TSPAN7: variants seen among roughly 807,000 people sequenced by gnomAD.
TSPAN7 encodes the protein tetraspanin 7.
In TSPAN7, 1 loss-of-function variant was observed where a neutral mutation model predicts 17.6. That is an observed-to-expected ratio of 0.06 (90% CI 0.02 to 0.27). The LOEUF (loss-of-function observed/expected upper bound fraction) is 0.27. Ranked by LOEUF, TSPAN7 falls within the 10% of genes least tolerant of loss-of-function variation. The pLI, the probability that TSPAN7 is intolerant of heterozygous loss-of-function variation, is 1.00. For missense variants in TSPAN7, 112 were observed against 201.7 expected (o/e 0.56, Z 2.69); for synonymous variants, 78 against 79.0 (o/e 0.99, Z 0.07).
intron 2 of TSPAN7, among the ~76,000 whole-genome samples, chrX:38,668,824 C>A (rs1021235768): frequency 8.9e-6 from 1 of 111,830 alleles, no homozygotes; most frequent in Non-Finnish European, 1.9e-5. Context: ...GGTAGTTCTA[C>A]TTTTAATTTT....
chrX:38,637,348 C>T (rs766869627), intron 1 of TSPAN7, among the ~76,000 whole-genome samples: 1 of 112,178 alleles, frequency 8.9e-6, no homozygotes, highest in South Asian at 3.7e-4. Flanking sequence ...CTCTAAAACT[C>T]CCTCCCCAGT....
intron 6 of TSPAN7, among the ~76,000 whole-genome samples, chrX:38,684,698 G>A (rs1390104191): frequency 9.0e-6 from 1 of 111,178 alleles, no homozygotes; most frequent in Non-Finnish European, 1.9e-5. Flanking sequence ...ATAGACCCAG[G>A]GCTTTGCTAG....
intron 2 of TSPAN7, 85 bp downstream of exon 2, chrX:38,666,394 G>C: frequency 1.0e-6 from 1 of 979,950 alleles, no homozygotes; most frequent in Non-Finnish European, 1.4e-6. Context: ...GGTTCGTCTT[G>C]AGGTCACAGA....
chrX:38,605,337 G>T (rs1449761362), intron 1 of TSPAN7, among the ~76,000 whole-genome samples: 1 of 109,857 alleles, frequency 9.1e-6, no homozygotes, highest in Non-Finnish European at 1.9e-5. Flanking sequence ...AAAATACCTA[G>T]GAATCCAACT....
intron 2 of TSPAN7, among the ~76,000 whole-genome samples, chrX:38,668,175 T>C (rs762850053): frequency 8.9e-6 from 1 of 112,240 alleles, no homozygotes; most frequent in Non-Finnish European, 1.9e-5. Flanking sequence ...TCCTTGGACC[T>C]TTGTCTCCAA....
chrX:38,567,842 C>T (rs763093428), intron 1 of TSPAN7, among the ~76,000 whole-genome samples: 11 of 111,496 alleles, frequency 9.9e-5, no homozygotes, highest in Middle Eastern at 4.6e-3. Flanking sequence ...TGTAGTAGAC[C>T]CTAATATATC....
At chrX:38,649,392 G>T (rs2042814629) in intron 1 of TSPAN7, among the ~76,000 whole-genome samples, 1 of 112,490 alleles carries the variant, frequency 8.9e-6, no homozygotes, top group Non-Finnish European at 1.9e-5. Flanking sequence ...ACTTTGAATG[G>T]TCCATAGAGT....
chrX:38,595,590 A>T (rs754753895), intron 1 of TSPAN7, among the ~76,000 whole-genome samples: 1 of 112,041 alleles, frequency 8.9e-6, no homozygotes, highest in South Asian at 3.7e-4. Flanking sequence ...TTTCTCCTTA[A>T]TTGCAACTGG....
intron 1 of TSPAN7, among the ~76,000 whole-genome samples, chrX:38,639,315 T>C (rs929351949): frequency 4.6e-5 from 5 of 109,209 alleles, no homozygotes; most frequent in African/African-American, 1.7e-4. Context: ...AAGGAAGTTA[T>C]GTAACTTGTC....
chrX:38,643,463 T>A (rs1055939401), intron 1 of TSPAN7, among the ~76,000 whole-genome samples: 4 of 109,517 alleles, frequency 3.7e-5, no homozygotes, highest in African/African-American at 1.3e-4. Context: ...AGCAAAATTG[T>A]TAGAATGGAA....
At chrX:38,684,452 C>G (rs2069913526) in intron 6 of TSPAN7, among the ~76,000 whole-genome samples, 1 of 111,501 alleles carries the variant, frequency 9.0e-6, no homozygotes, top group Non-Finnish European at 1.9e-5. Context: ...TCTTTGGCAA[C>G]TGCTCTTTCA....
chrX:38,599,990 T>C (rs1057195443), intron 1 of TSPAN7, among the ~76,000 whole-genome samples: 4 of 112,049 alleles, frequency 3.6e-5, no homozygotes, highest in Non-Finnish European at 5.6e-5. Flanking sequence ...GGCAGCATTT[T>C]CTAGTTTTCC....
At position 38,567,563 on chromosome X, in the gene TSPAN7, ATACT is replaced by A. The variant is rs1363083442; in HGVS notation, c.81+5938_81+5941del. On this transcript the variant is annotated intron_variant, in intron 1 of 7. Coordinates refer to ENST00000378482, the MANE Select transcript of TSPAN7 (RefSeq NM_004615.4). ...GACACAGCCAAACCATATCAGGCAC[ATACT>A]TTAGTTTATAGTTATTCTTTTGCAC... Among the ~76,000 whole-genome samples, 3 of 112,526 alleles carry A rather than the reference ATACT, an allele frequency of 2.7e-5. No homozygotes were observed. In the East Asian group the frequency reaches 8.4e-4, roughly 31 times the overall value.
rs778480733 is a variant in TSPAN7 at position 38,638,819 on chromosome X, G to A, written c.82-27302G>A. ...TCTTCTATTAATTCTTGGTTAATAA[G>A]AAAATTCAATTTAGCCCAGTATGAT... On this transcript the variant is annotated intron_variant, in intron 1 of 7. Coordinates refer to ENST00000378482, the MANE Select transcript of TSPAN7 (RefSeq NM_004615.4). Among the ~76,000 whole-genome samples, 3 of 111,680 alleles carry A rather than the reference G, an allele frequency of 2.7e-5. No homozygotes were observed. In the East Asian group the frequency reaches 8.4e-4, roughly 31 times the overall value.
At chrX:38,592,427 C>G (rs2069297296) in intron 1 of TSPAN7, among the ~76,000 whole-genome samples, 1 of 111,650 alleles carries the variant, frequency 9.0e-6, no homozygotes, top group African/African-American at 3.2e-5. Context: ...GATCTATTAT[C>G]TTGCCATGTT....
intron 1 of TSPAN7, among the ~76,000 whole-genome samples, chrX:38,605,399 G>T (rs1233428025): frequency 4.5e-5 from 5 of 110,470 alleles, no homozygotes; most frequent in African/African-American, 1.7e-4. Flanking sequence ...CACTGCTCAA[G>T]GAAGTAAAAG....
chrX:38,587,864 A>C (rs968007356), intron 1 of TSPAN7, among the ~76,000 whole-genome samples: 1 of 111,917 alleles, frequency 8.9e-6, no homozygotes, highest in African/African-American at 3.3e-5. Flanking sequence ...TGAGTGTTTG[A>C]AGGGAAAAAC....
chrX:38,671,703 C>T (rs994807639), intron 3 of TSPAN7, among the ~76,000 whole-genome samples: 21 of 111,005 alleles, frequency 1.9e-4, no homozygotes, highest in Admixed American at 1.5e-3. Context: ...GATTCTCTCC[C>T]GTTATAAAGC....
intron 1 of TSPAN7, among the ~76,000 whole-genome samples, chrX:38,578,223 A>G (rs977385640): frequency 1.8e-5 from 2 of 111,804 alleles, no homozygotes; most frequent in Non-Finnish European, 3.8e-5. Flanking sequence ...ATTCTTTTCA[A>G]CTGCACAGTA....
Sources: gnomAD v4.1 joint callset for allele counts (sites outside exome capture counted in the v4.1 genomes callset) on GRCh38, gnomAD v4.1.1 for gene constraint, MANE v1.5 for transcripts, NCBI Gene and HGNC (gene_info 2026-07-23, HGNC 2026-07-21) for gene names.